ATG10: variants seen among roughly 807,000 people sequenced by gnomAD.
ATG10 encodes the protein ubiquitin-like-conjugating enzyme ATG10.
In ATG10, 30 loss-of-function variants were observed where a neutral mutation model predicts 32.1. That is an observed-to-expected ratio of 0.94 (90% CI 0.70 to 1.27). ATG10 has a LOEUF of 1.27. Ranked by LOEUF, ATG10 falls within the 50% of genes most tolerant of loss-of-function variation. The probability of loss-of-function intolerance (pLI) is 0.00; values close to 1 mark genes in which losing one functional copy is unlikely to be tolerated. For synonymous variants in ATG10, 87 were observed against 91.5 expected, an observed-to-expected ratio of 0.95 and a Z score of 0.28; for missense variants, 233 against 262.3, an observed-to-expected ratio of 0.89 and a Z score of 0.77.
intron 3 of ATG10, among the ~76,000 whole-genome samples, chr5:82,063,186 G>A (rs1231948047): frequency 6.6e-6 from 1 of 152,020 alleles, no homozygotes; most frequent in Non-Finnish European, 1.5e-5. Flanking sequence ...GGGCCTGGTG[G>A]CATGCACCTG....
intron 3 of ATG10, among the ~76,000 whole-genome samples, chr5:82,060,568 A>G (rs1380698698): frequency 6.6e-6 from 1 of 152,214 alleles, no homozygotes; most frequent in African/African-American, 2.4e-5. Flanking sequence ...TACGCAGGTT[A>G]AAGGTTCATG....
chr5:82,107,531 T>C (rs964392951), intron 3 of ATG10, among the ~76,000 whole-genome samples: 6 of 152,158 alleles, frequency 3.9e-5, no homozygotes, highest in Non-Finnish European at 2.9e-5. Flanking sequence ...ACAATGTATT[T>C]TAAAAATATT....
At chr5:82,139,588 A>T (rs1162413850) in intron 3 of ATG10, among the ~76,000 whole-genome samples, 1 of 144,968 alleles carries the variant, frequency 6.9e-6, no homozygotes, top group Non-Finnish European at 1.5e-5. Context: ...CTGAGAAGTG[A>T]GGAGCCTCTC....
At chr5:82,124,825 C>G (rs1192733796) in intron 3 of ATG10, among the ~76,000 whole-genome samples, 1 of 152,084 alleles carries the variant, frequency 6.6e-6, no homozygotes, top group Middle Eastern at 3.2e-3. Context: ...ATTGCTGGGT[C>G]AAACAGTATT....
chr5:82,081,801 A>T (rs958950075), intron 3 of ATG10, among the ~76,000 whole-genome samples: 9 of 152,060 alleles, frequency 5.9e-5, no homozygotes, highest in Admixed American at 1.3e-4. Context: ...TTCATCAGGG[A>T]TATTGGTCTA....
chr5:82,183,644 A>G (rs1194188173), intron 5 of ATG10, among the ~76,000 whole-genome samples: 1 of 152,138 alleles, frequency 6.6e-6, no homozygotes, highest in Non-Finnish European at 1.5e-5. Context: ...CAAGATGGTG[A>G]TGTTCTAATT....
chr5:82,165,269 C>G (rs911927782), intron 4 of ATG10, among the ~76,000 whole-genome samples: 3 of 152,258 alleles, frequency 2.0e-5, no homozygotes, highest in Non-Finnish European at 4.4e-5. Flanking sequence ...CAGCCAACCC[C>G]TTGCCCTATT....
intron 3 of ATG10, among the ~76,000 whole-genome samples, chr5:82,148,518 A>T (rs1045644410): frequency 1.3e-5 from 2 of 152,212 alleles, no homozygotes; most frequent in African/African-American, 4.8e-5. Context: ...TTCAACATAC[A>T]GATAAACCCA....
chr5:82,070,371 A>C (rs1229726709), intron 3 of ATG10, among the ~76,000 whole-genome samples: 1 of 152,184 alleles, frequency 6.6e-6, no homozygotes, highest in Non-Finnish European at 1.5e-5. Flanking sequence ...ACTATTGGCT[A>C]TTCTGAAATA....
chr5:82,246,043 A>G (rs1010181804), intron 5 of ATG10, among the ~76,000 whole-genome samples: 13 of 151,632 alleles, frequency 8.6e-5, no homozygotes, highest in Admixed American at 3.3e-4. Context: ...CTAATATTCT[A>G]ACAACAGAGG....
intron 3 of ATG10, among the ~76,000 whole-genome samples, chr5:82,092,795 G>C: frequency 6.6e-6 from 1 of 152,174 alleles, no homozygotes; most frequent in Non-Finnish European, 1.5e-5. Context: ...CCTACCTCTT[G>C]AGCAGCAATA....
chr5:82,170,549 A>C (rs549024446), intron 4 of ATG10, among the ~76,000 whole-genome samples: 58 of 152,324 alleles, frequency 3.8e-4, no homozygotes, highest in African/African-American at 1.3e-3. Context: ...TAATAGGTCC[A>C]TGATGTGGGG....
At position 82,173,181 on chromosome 5, in the gene ATG10, G is replaced by A. The variant is rs191845748; in HGVS notation, c.356-5309G>A. On this transcript the variant is annotated intron_variant, in intron 4 of 7. Transcript: ENST00000282185. ...GGAGTTAAAAAATGTTAGTGAAACC[G>A]TGCACAATAAGGATAAAGGTGACTC... Among the ~76,000 whole-genome samples, 4 of 152,192 alleles carry A rather than the reference G, an allele frequency of 2.6e-5. No individual in the cohort carries two copies. The East Asian group carries it at 5.8e-4, about 22-fold the overall frequency.
Position 82,040,005 on chromosome 5 carries a change from C to T in ATG10, c.109-18490C>T, listed in dbSNP as rs189090789. On this transcript the variant is annotated intron_variant, in intron 2 of 7. Coordinates refer to ENST00000282185, the MANE Select transcript of ATG10 (RefSeq NM_031482.5). The stretch of plus-strand genomic sequence containing the variant: ...AGGGTATACTGGGATCTTATGGGGT[C>T]GTGGGGCCTGTTTATGTGGTCTCTT... 4.6e-4 allele frequency among the ~76,000 whole-genome samples: 70 copies of T among 152,190 alleles called. No individual in the cohort carries two copies. In the East Asian group the frequency reaches 0.013, roughly 28 times the overall value.
intron 4 of ATG10, among the ~76,000 whole-genome samples, chr5:82,165,103 A>G (rs1052261283): frequency 6.6e-6 from 1 of 152,156 alleles, no homozygotes; most frequent in Non-Finnish European, 1.5e-5. Context: ...GTCTCCTTGG[A>G]GGCCTTAGCT....
rs75417857 is a variant in ATG10 at position 82,157,765 on chromosome 5, C to A, written c.217-6634C>A. On this transcript the variant is annotated intron_variant, in intron 3 of 7. Transcript: ENST00000282185. ...GAAGAGTATATTACATCGCATCTTTCCATTGTGATGAGATGGTTTCTGTGT... is the reference window on the plus strand; with the variant it reads ...GAAGAGTATATTACATCGCATCTTTACATTGTGATGAGATGGTTTCTGTGT... 8.7e-3 allele frequency among the ~76,000 whole-genome samples: 1,324 copies of A among 152,270 alleles called. 18 individuals are homozygous for A. The highest frequency in any genetic ancestry group is 0.03 in the African/African-American group (1,250 of 41,556).
intron 5 of ATG10, among the ~76,000 whole-genome samples, chr5:82,243,879 T>C (rs984117747): frequency 8.5e-5 from 13 of 152,060 alleles, no homozygotes; most frequent in Middle Eastern, 3.4e-3. Flanking sequence ...TATGGAAATA[T>C]AAAAAATTAA....
intron 3 of ATG10, among the ~76,000 whole-genome samples, chr5:82,161,696 AACACACACACAC>A (rs60780834): frequency 3.1e-5 from 4 of 129,726 alleles, no homozygotes; most frequent in South Asian, 2.6e-4. Flanking sequence ...TTAGAGAATA[AACACACACACAC>A]ACACACACAC....
intron 2 of ATG10, among the ~76,000 whole-genome samples, chr5:82,046,664 T>A (rs891793283): frequency 6.6e-6 from 1 of 152,164 alleles, no homozygotes; most frequent in African/African-American, 2.4e-5. Context: ...TCTGAGGAGT[T>A]AAACTGCTTA....
Sources: allele counts gnomAD v4.1 joint callset (sites outside exome capture counted in the v4.1 genomes callset), GRCh38; gene constraint gnomAD v4.1.1; transcripts MANE v1.5; gene names NCBI Gene and HGNC (gene_info 2026-07-23, HGNC 2026-07-21).